Variants in RIC1 observed in about 807,000 individuals in gnomAD.
RIC1 encodes the protein RIC1 partner of RAB6A GEF complex.
RIC1 carries 88 observed loss-of-function variants against 169.0 expected under a neutral mutation model. That is an observed-to-expected ratio of 0.52 (90% confidence interval 0.44 to 0.62). The LOEUF (loss-of-function observed/expected upper bound fraction) is 0.62. RIC1 is among the 20% of genes least tolerant of loss of function. RIC1 has a pLI of 0.00. For synonymous variants in RIC1, 790 were observed against 601.5 expected (o/e 1.31, Z -4.59); for missense variants, 1,877 against 1,725.5 (o/e 1.09, Z -1.56).
At chr9:5,639,889 A>T (rs1563861218) in intron 1 of RIC1, among the ~76,000 whole-genome samples, 1 of 151,820 alleles carries the variant, frequency 6.6e-6, no homozygotes, top group Non-Finnish European at 1.5e-5. Context: ...TTATATAATT[A>T]CTCCTGCTCT....
chr9:5,738,723 T>A (rs1047999114), intron 8 of RIC1, among the ~76,000 whole-genome samples, 185 bp downstream of exon 8: 2 of 152,130 alleles, frequency 1.3e-5, no homozygotes, highest in African/African-American at 4.8e-5. Flanking sequence ...TTTTAATAAT[T>A]CAAATTAGTA....
At chr9:5,693,330 C>T (rs1014631040) in intron 3 of RIC1, among the ~76,000 whole-genome samples, 3 of 152,070 alleles carry the variant, frequency 2.0e-5, no homozygotes, top group Non-Finnish European at 4.4e-5. Context: ...ATATCCTTTT[C>T]CACTATGCTC....
chr9:5,742,360 G>A (rs1825131350), intron 8 of RIC1, among the ~76,000 whole-genome samples: 4 of 152,062 alleles, frequency 2.6e-5, no homozygotes, highest in South Asian at 2.1e-4. Flanking sequence ...TTATTGTTTT[G>A]AGGATTTAAG....
At chr9:5,677,983 G>T (rs1279664930) in intron 2 of RIC1, among the ~76,000 whole-genome samples, 1 of 151,918 alleles carries the variant, frequency 6.6e-6, no homozygotes, top group Non-Finnish European at 1.5e-5. Context: ...ATCTCCTAAT[G>T]CTATCCCTCC....
chr9:5,647,959 G>GTGGTGGTGGTGA (rs1818606680), intron 1 of RIC1, among the ~76,000 whole-genome samples: 1 of 131,858 alleles, frequency 7.6e-6, no homozygotes, highest in African/African-American at 3.3e-5. Context: ...GGTGGTGGTG[G>GTGGTGGTGGTGA]TGGTGGTGGT....
intron 12 of RIC1, among the ~76,000 whole-genome samples, chr9:5,747,847 A>T (rs1825476721): frequency 1.3e-5 from 2 of 152,168 alleles, no homozygotes; most frequent in Admixed American, 6.5e-5. Context: ...AACAAAGTGT[A>T]ATAATCTCAT....
intron 8 of RIC1, among the ~76,000 whole-genome samples, chr9:5,741,192 G>A (rs889553693): frequency 6.6e-6 from 1 of 152,152 alleles, no homozygotes; most frequent in African/African-American, 2.4e-5. Context: ...CAGCTATTGA[G>A]AGGTCCTCTG....
chr9:5,673,000 T>C (rs573437646), intron 2 of RIC1, among the ~76,000 whole-genome samples: 4 of 152,246 alleles, frequency 2.6e-5, no homozygotes, highest in African/African-American at 7.2e-5. Context: ...TCGGATAATT[T>C]ATTTCGTTTA....
chr9:5,757,531 T>C (rs1475583967), intron 17 of RIC1, 80 bp downstream of exon 17: 2 of 1,476,902 alleles, frequency 1.4e-6, no homozygotes, highest in East Asian at 4.6e-5. Flanking sequence ...AGTATTTGTT[T>C]GGCAAATAAA....
At chr9:5,670,558 A>G (rs1231428579) in intron 2 of RIC1, among the ~76,000 whole-genome samples, 1 of 152,230 alleles carries the variant, frequency 6.6e-6, no homozygotes. Context: ...ACCATGTAAT[A>G]TAAAATTGCC....
intron 6 of RIC1, among the ~76,000 whole-genome samples, chr9:5,723,110 T>C (rs1294448304): frequency 4.6e-5 from 7 of 152,244 alleles, no homozygotes; most frequent in Non-Finnish European, 1.5e-5. Context: ...TTTCTAGTTT[T>C]AGATCCTTGA....
chr9:5,774,229 G>A lies in RIC1; in HGVS notation c.4255G>A (p.Asp1419Asn), dbSNP rs775573960. The A allele has an allele frequency of 9.9e-6, 16 of 1,609,752 alleles. No homozygotes were observed. Among genetic ancestry groups the A allele is most frequent in the Non-Finnish European group, 1.2e-5 (14 of 1,177,768 alleles). Residue 1419 changes from aspartate to asparagine, a missense_variant, in exon 26 of 26, where the codon GAC becomes AAC. Asp to Asn is a conservative substitution (Grantham distance 23). Around this residue, in one of 3 missense-constraint regions of RIC1, gnomAD observed 681 missense variants for 582.0 expected, o/e 1.17. Coordinates refer to ENST00000414202, the MANE Select transcript of RIC1 (RefSeq NM_020829.4). The stretch of plus-strand genomic sequence containing the variant: ...AGAACCTTTTCAGGATGGGACTTAC[G>A]ACTGTTCTGTGTCCTAACAGTGAGG... Reference protein sequence around the residue: ...EEEPFQDGTYDCSVS With the variant: ...EEEPFQDGTYNCSVS
At chr9:5,730,189 C>G (rs1824277071) in intron 6 of RIC1, among the ~76,000 whole-genome samples, 1 of 152,138 alleles carries the variant, frequency 6.6e-6, no homozygotes, top group Admixed American at 6.5e-5. Flanking sequence ...TTATGTCAGT[C>G]CTCTGTGGAG....
intron 2 of RIC1, among the ~76,000 whole-genome samples, chr9:5,676,081 C>A (rs1456059214): frequency 6.6e-6 from 1 of 152,056 alleles, no homozygotes; most frequent in Non-Finnish European, 1.5e-5. Context: ...AAAACTAAAC[C>A]ACCTTTGTAA....
In RIC1 at chr9:5,722,362, T is replaced by A. The variant is rs1218508027; in HGVS notation, c.720+1612T>A. ...AAGAGAGAGAGAGTGTGTGTGTGTG[T>A]GTGTGTGTGTGTGTGTGTGTACCTA... On this transcript the variant is annotated intron_variant, in intron 6 of 25. Coordinates refer to ENST00000414202, the MANE Select transcript of RIC1 (RefSeq NM_020829.4). Among the ~76,000 whole-genome samples the A allele has an allele frequency of 3.6e-3, 545 of 150,658 alleles. 3 individuals carry two copies. Among genetic ancestry groups the A allele is most frequent in the African/African-American group, 0.012 (502 of 40,854 alleles).
chr9:5,650,430 A>G (rs140308247), intron 1 of RIC1, among the ~76,000 whole-genome samples: 98 of 152,082 alleles, frequency 6.4e-4, no homozygotes, highest in Middle Eastern at 3.4e-3. Flanking sequence ...GCCCCCTGGT[A>G]GAGTGCTCAG....
Position 5,731,405 on chromosome 9 carries a change from A to G in RIC1, c.721-983A>G, listed in dbSNP as rs549857222. Among the ~76,000 whole-genome samples, 3 of 152,312 alleles carry G rather than the reference A, an allele frequency of 2.0e-5. No homozygotes were observed. The East Asian group carries it at 5.8e-4, about 29-fold the overall frequency. ...CTACTAAAGCAAAGATTCCGTGTTTAGATAGTAGATTATATAGCTGATTGT... is the reference window on the plus strand; with the variant it reads ...CTACTAAAGCAAAGATTCCGTGTTTGGATAGTAGATTATATAGCTGATTGT... On this transcript the variant is annotated intron_variant, in intron 6 of 25. Coordinates refer to ENST00000414202, the MANE Select transcript of RIC1 (RefSeq NM_020829.4).
intron 3 of RIC1, among the ~76,000 whole-genome samples, chr9:5,704,837 TA>T (rs1178162139): frequency 3.9e-5 from 6 of 152,192 alleles, no homozygotes; most frequent in African/African-American, 1.4e-4. Context: ...CATTTTGAAT[TA>T]TTTTTTACTT....
At chr9:5,681,110 GC>G in intron 2 of RIC1, among the ~76,000 whole-genome samples, 1 of 152,154 alleles carries the variant, frequency 6.6e-6, no homozygotes, top group East Asian at 1.9e-4. Context: ...ACAGGCGTGA[GC>G]CACCGCGCCC....
Sources: gnomAD v4.1 joint callset for allele counts (sites outside exome capture counted in the v4.1 genomes callset) on GRCh38, gnomAD v4.1.1 for gene constraint, gnomAD v4.1.1 regional missense constraint, MANE v1.5 for transcripts, NCBI Gene and HGNC (gene_info 2026-07-23, HGNC 2026-07-21) for gene names.